SLC2A9: variants seen among roughly 807,000 people sequenced by gnomAD.
SLC2A9 encodes solute carrier family 2 member 9.
A neutral mutation model predicts 50.6 loss-of-function variants in SLC2A9; 39 were observed. The ratio of observed to expected loss-of-function variants is 0.77; its 90% CI spans 0.60 to 1.01. The LOEUF is 1.01. SLC2A9 is among the 50% of genes least tolerant of loss of function. The pLI is 0.00. For missense variants in SLC2A9, 686 were observed against 677.6 expected, an observed-to-expected ratio of 1.01 and a Z score of -0.14; for synonymous variants, 324 against 276.9, an observed-to-expected ratio of 1.17 and a Z score of -1.69.
downstream of SLC2A9, among the ~76,000 whole-genome samples, chr4:9,821,414 G>C (rs190177508): frequency 2.0e-5 from 3 of 152,068 alleles, no homozygotes; most frequent in African/African-American, 7.2e-5. Context: ...ACGAAACACT[G>C]TATGTTCTTA....
At chr4:9,832,125 G>A (rs548308289) in intron 11 of SLC2A9, among the ~76,000 whole-genome samples, 176 of 152,312 alleles carry the variant, frequency 1.2e-3, no homozygotes, top group African/African-American at 4.0e-3. Flanking sequence ...GATGAACACA[G>A]TAGCTCTTGA....
intron 6 of SLC2A9, among the ~76,000 whole-genome samples, chr4:9,929,494 C>A (rs1244196996): frequency 6.6e-6 from 1 of 152,242 alleles, no homozygotes. Context: ...CACTGCGCTG[C>A]AGATGGCTGA....
chr4:9,959,217 TAAAA>T (rs11338281), intron 5 of SLC2A9, among the ~76,000 whole-genome samples: 1 of 137,204 alleles, frequency 7.3e-6, no homozygotes, highest in African/African-American at 2.7e-5. Flanking sequence ...CAATCTCTAC[TAAAA>T]AAAAAAAAAA....
intron 5 of SLC2A9, among the ~76,000 whole-genome samples, chr4:9,973,460 A>G (rs1416171310): frequency 6.6e-6 from 1 of 152,096 alleles, no homozygotes; most frequent in Non-Finnish European, 1.5e-5. Context: ...CATAACACCA[A>G]TACCAAAACC....
chr4:9,832,136 T>C (rs371963118), intron 11 of SLC2A9, among the ~76,000 whole-genome samples: 52 of 152,292 alleles, frequency 3.4e-4, no homozygotes, highest in African/African-American at 1.2e-3. Context: ...TAGCTCTTGA[T>C]TGTGGCTGAG....
At chr4:10,034,310 C>G (rs553940734) in intron 1 of SLC2A9, 2 of 152,378 alleles carry the variant, frequency 1.3e-5, no homozygotes, top group South Asian at 4.1e-4. Context: ...CACAGAGGCA[C>G]GCCGTCCAGC....
intron 3 of SLC2A9, among the ~76,000 whole-genome samples, chr4:9,803,431 T>C (rs2108946754): frequency 6.6e-6 from 1 of 152,342 alleles, no homozygotes. Flanking sequence ...ATGCTTAACA[T>C]AGGCAATATT....
intron 10 of SLC2A9, among the ~76,000 whole-genome samples, chr4:9,876,453 G>C (rs1187445604): frequency 6.6e-6 from 1 of 152,112 alleles, no homozygotes; most frequent in Non-Finnish European, 1.5e-5. Context: ...AAGTAGCCAG[G>C]TATGGTGGCA....
intron 10 of SLC2A9, among the ~76,000 whole-genome samples, chr4:9,853,457 G>A (rs138425683): frequency 0.011 from 1,728 of 152,250 alleles, 15 homozygotes; most frequent in Non-Finnish European, 0.018. Context: ...GCCTAACTAT[G>A]CTAGATATAT....
chr4:9,803,095 C>T (rs538668305), intron 3 of SLC2A9, among the ~76,000 whole-genome samples: 1 of 152,322 alleles, frequency 6.6e-6, no homozygotes, highest in Non-Finnish European at 1.5e-5. Flanking sequence ...CTGGGCCTGA[C>T]TTTGGCACTA....
chr4:9,886,549 A>G (rs1736306729), intron 10 of SLC2A9, among the ~76,000 whole-genome samples: 1 of 151,846 alleles, frequency 6.6e-6, no homozygotes. Context: ...CCATCTTATT[A>G]TAATATCCCG....
At chr4:9,773,507 G>A (rs1396436399) in intron 1 of SLC2A9, among the ~76,000 whole-genome samples, 5 of 152,214 alleles carry the variant, frequency 3.3e-5, no homozygotes, top group Admixed American at 1.3e-4. Flanking sequence ...GGGTCAATGA[G>A]TTCAAATAGA....
chr4:9,911,736 TC>T (rs1741840331), intron 7 of SLC2A9, among the ~76,000 whole-genome samples: 1 of 152,202 alleles, frequency 6.6e-6, no homozygotes, highest in East Asian at 1.9e-4. Flanking sequence ...CTTTCAGGGT[TC>T]TTGTAAAAAT....
At chr4:9,883,403 C>T (rs573624219) in intron 10 of SLC2A9, among the ~76,000 whole-genome samples, 1 of 152,340 alleles carries the variant, frequency 6.6e-6, no homozygotes, top group South Asian at 2.1e-4. Context: ...CACATCCTAG[C>T]TCCAACACTC....
intron 10 of SLC2A9, among the ~76,000 whole-genome samples, chr4:9,842,441 A>ACACCTTATCTCATCAAATCTTTCTT (rs1728229192): frequency 6.6e-6 from 1 of 152,206 alleles, no homozygotes; most frequent in Non-Finnish European, 1.5e-5. Flanking sequence ...AATACTTGGC[A>ACACCTTATCTCATCAAATCTTTCTT]CACCTTATCT....
intron 5 of SLC2A9, among the ~76,000 whole-genome samples, chr4:9,969,292 ATT>A (rs1027284841): frequency 1.3e-5 from 2 of 152,190 alleles, no homozygotes; most frequent in Admixed American, 1.3e-4. Flanking sequence ...ATCAGTCATA[ATT>A]TTGGTTATTA....
chr4:9,773,608 T>C (rs1166283829), intron 1 of SLC2A9, among the ~76,000 whole-genome samples: 1 of 152,248 alleles, frequency 6.6e-6, no homozygotes, highest in Non-Finnish European at 1.5e-5. Flanking sequence ...GAGCCAGGCA[T>C]GTGAAAGGAT....
At chr4:9,879,897 A>C (rs1734920479) in intron 10 of SLC2A9, 34 of 985,444 alleles carry the variant, frequency 3.5e-5, no homozygotes, top group Non-Finnish European at 4.1e-5. Context: ...ATGCAGCAGG[A>C]AACTGCCTCT....
At chr4:9,873,129 T>C (rs1285742718) in intron 10 of SLC2A9, among the ~76,000 whole-genome samples, 2 of 152,224 alleles carry the variant, frequency 1.3e-5, no homozygotes, top group Non-Finnish European at 2.9e-5. Flanking sequence ...GTGTACCATA[T>C]GTTCCCAGTG....
Sources: allele counts gnomAD v4.1 joint callset (sites outside exome capture counted in the v4.1 genomes callset), GRCh38; gene constraint gnomAD v4.1.1; transcripts MANE v1.5; gene names NCBI Gene and HGNC (gene_info 2026-07-23, HGNC 2026-07-21).